EOGT: variants seen among roughly 807,000 people sequenced by gnomAD.
EOGT encodes EGF domain-specific O-linked N-acetylglucosamine transferase.
EOGT carries 55 observed loss-of-function variants against 70.5 expected under a neutral mutation model. That is an observed-to-expected ratio of 0.78 (90% confidence interval 0.63 to 0.98). The LOEUF is 0.98. EOGT is among the 50% of genes least tolerant of loss of function. The probability of loss-of-function intolerance (pLI) is 0.00; values close to 1 mark genes in which losing one functional copy is unlikely to be tolerated. For missense variants in EOGT, 703 were observed against 641.9 expected, an observed-to-expected ratio of 1.10 and a Z score of -1.03; for synonymous variants, 246 against 217.1, an observed-to-expected ratio of 1.13 and a Z score of -1.17.
At chr3:69,002,661 CTTTTTT>C (rs34786432) in intron 8 of EOGT, among the ~76,000 whole-genome samples, 1 of 144,860 alleles carries the variant, frequency 6.9e-6, no homozygotes, top group Non-Finnish European at 1.5e-5. Context: ...GCATGAATTT[CTTTTTT>C]TTTTTGAGAC....
At position 69,011,560 on chromosome 3, in the gene EOGT, A is replaced by G. The variant is rs1198380812; in HGVS notation, c.-15+376T>C. 3.4e-5 allele frequency among the ~76,000 whole-genome samples: 5 copies of G among 144,996 alleles called. No homozygotes were observed. The East Asian group carries it at 1.0e-3, about 30-fold the overall frequency. On this transcript the variant is annotated intron_variant, in intron 3 of 17. Transcript: ENST00000383701. ...CAGTGAGTCGTGATCTCGCCACTGC[A>G]CTCCAGCCTGGGTAATGCGAGGGAG...
chr3:69,005,107 T>C (rs780256547), intron 7 of EOGT, 33 bp downstream of exon 7: 26 of 1,173,568 alleles, frequency 2.2e-5, no homozygotes, highest in Non-Finnish European at 3.2e-5. Flanking sequence ...TTTCAGAATT[T>C]ATACTAGATG....
At chr3:69,006,456 C>G (rs2091442499) in intron 6 of EOGT, among the ~76,000 whole-genome samples, 1 of 152,010 alleles carries the variant, frequency 6.6e-6, no homozygotes, top group African/African-American at 2.4e-5. Flanking sequence ...GATCGGAGAC[C>G]CCTGAGATGT....
Position 69,001,590 on chromosome 3 carries a change from G to T in EOGT, c.727+18C>A. On this transcript the variant is annotated intron_variant, in intron 9 of 17. Transcript: ENST00000383701. ...CTCATTAACAAATACACAAATAACA[G>T]AAAAAGTTATTTCTCACCTGCATCT... The T allele has an allele frequency of 1.3e-6, 2 of 1,489,708 alleles. No individual in the cohort carries two copies. The highest frequency in any genetic ancestry group is 9.3e-7 in the Non-Finnish European group (1 of 1,078,114). 92.3% of individuals were successfully genotyped at this position (1,489,708 alleles called of 1,614,324 possible).
intron 3 of EOGT, among the ~76,000 whole-genome samples, chr3:69,010,963 G>A (rs949349243): frequency 4.6e-5 from 7 of 152,116 alleles, no homozygotes; most frequent in Non-Finnish European, 8.8e-5. Context: ...ATAATAATCA[G>A]CTATAATAGC....
intron 10 of EOGT, among the ~76,000 whole-genome samples, chr3:68,991,679 T>C (rs563632526): frequency 6.6e-6 from 1 of 152,192 alleles, no homozygotes; most frequent in South Asian, 2.1e-4. Context: ...GCCAGGCTCA[T>C]GGCTGTAATC....
rs7636737 is a variant in EOGT, at chr3:69,008,092, T to C, written c.312-271A>G. ...AATGATGCATTCTTAATTACTATAT[T>C]TTCTTTACCTCATTAACATTGCATG... On this transcript the variant is annotated intron_variant, in intron 5 of 17. Transcript: ENST00000383701. Among the ~76,000 whole-genome samples, 1,651 of 152,308 alleles carry C rather than the reference T, an allele frequency of 0.011. 35 individuals carry two copies. Among genetic ancestry groups the C allele is most frequent in the African/African-American group, 0.038 (1,589 of 41,562 alleles).
intron 14 of EOGT, among the ~76,000 whole-genome samples, chr3:68,984,248 C>A (rs1164404052): frequency 6.6e-6 from 1 of 152,124 alleles, no homozygotes; most frequent in African/African-American, 2.4e-5. Context: ...CACACGCACA[C>A]AGTCATAACA....
intron 15 of EOGT, among the ~76,000 whole-genome samples, chr3:68,981,977 G>C (rs1473072859): frequency 6.6e-6 from 1 of 151,768 alleles, no homozygotes; most frequent in Admixed American, 6.6e-5. Flanking sequence ...TGCAATGTCA[G>C]CTCCCTTCAA....
chr3:68,982,067 C>T (rs1400681730), intron 15 of EOGT, among the ~76,000 whole-genome samples: 1 of 152,070 alleles, frequency 6.6e-6, no homozygotes, highest in Non-Finnish European at 1.5e-5. Context: ...CTGCCACACT[C>T]GGCTAATTTT....
intron 17 of EOGT, 32 bp from the exon 18 acceptor site, chr3:68,977,796 A>T (rs778699457): frequency 3.1e-6 from 5 of 1,592,360 alleles, no homozygotes; most frequent in Non-Finnish European, 4.3e-6. Flanking sequence ...CGAATCCATA[A>T]CTCAATGAGG....
At chr3:69,005,791 T>C (rs1162168117) in intron 6 of EOGT, among the ~76,000 whole-genome samples, 3 of 152,222 alleles carry the variant, frequency 2.0e-5, no homozygotes, top group African/African-American at 7.2e-5. Flanking sequence ...TACCAGAGCC[T>C]GATTCTATTT....
chr3:68,987,607 A>G, intron 13 of EOGT, 94 bp from the exon 14 acceptor site: 1 of 899,542 alleles, frequency 1.1e-6, no homozygotes, highest in Non-Finnish European at 1.8e-6. Flanking sequence ...CAAAGAGATG[A>G]AACTCAACCA....
intron 10 of EOGT, among the ~76,000 whole-genome samples, chr3:68,997,649 G>A (rs1414561436): frequency 2.6e-5 from 4 of 152,110 alleles, no homozygotes; most frequent in South Asian, 2.1e-4. Context: ...GATTATAGGC[G>A]TGAGCCACCA....
chr3:68,986,886 T>C (rs2090825154), intron 14 of EOGT, among the ~76,000 whole-genome samples: 1 of 152,250 alleles, frequency 6.6e-6, no homozygotes, highest in African/African-American at 2.4e-5. Context: ...TTAACTATTG[T>C]AGAATAAATT....
chr3:69,011,557 T>A (rs183545396), intron 3 of EOGT, among the ~76,000 whole-genome samples: 339 of 140,886 alleles, frequency 2.4e-3, no homozygotes, highest in African/African-American at 8.7e-3. Context: ...ATCTCGCCAC[T>A]GCACTCCAGC....
chr3:68,987,375 A>G, intron 14 of EOGT, 70 bp downstream of exon 14: 1 of 823,648 alleles, frequency 1.2e-6, no homozygotes, highest in Non-Finnish European at 1.6e-6. Context: ...CGTAATGTGA[A>G]AAAAAAAAAA....
intron 15 of EOGT, among the ~76,000 whole-genome samples, chr3:68,982,188 C>T (rs1251973748): frequency 1.3e-5 from 2 of 152,118 alleles, no homozygotes; most frequent in Non-Finnish European, 1.5e-5. Context: ...GGATTACAGG[C>T]GTGAGCCATC....
chr3:68,980,592 T>C (rs1381560743), intron 15 of EOGT, among the ~76,000 whole-genome samples: 1 of 152,142 alleles, frequency 6.6e-6, no homozygotes, highest in Non-Finnish European at 1.5e-5. Context: ...TAAAGAAAAA[T>C]AAATGATCAA....
Sources: allele counts gnomAD v4.1 joint callset (sites outside exome capture counted in the v4.1 genomes callset), GRCh38; gene constraint gnomAD v4.1.1; transcripts MANE v1.5; gene names NCBI Gene and HGNC (gene_info 2026-07-23, HGNC 2026-07-21).